The following PARL variants were observed in gnomAD, a reference collection of about 807,000 sequenced individuals.
The protein encoded by PARL is presenilin associated rhomboid like.
PARL carries 44 observed loss-of-function variants against 51.6 expected under a neutral mutation model. The observed-to-expected ratio is 0.85, with a 90% CI of 0.67 to 1.10. PARL has a LOEUF of 1.10. Among genes scored for constraint, PARL ranks in the 50% least tolerant of loss-of-function variants. The pLI, the probability that PARL is intolerant of heterozygous loss-of-function variation, is 0.00. For synonymous variants in PARL, 172 were observed against 164.0 expected, an observed-to-expected ratio of 1.05 and a Z score of -0.37; for missense variants, 441 against 469.5, an observed-to-expected ratio of 0.94 and a Z score of 0.56.
intron 4 of PARL, among the ~76,000 whole-genome samples, chr3:183,854,729 T>C (rs1182634100): frequency 1.4e-5 from 2 of 147,370 alleles, no homozygotes; most frequent in Non-Finnish European, 3.0e-5. Flanking sequence ...GTATATTTCA[T>C]GTTTTTTTTT....
chr3:183,848,718 C>T (rs6805106), intron 4 of PARL, among the ~76,000 whole-genome samples: 4,705 of 152,244 alleles, frequency 0.031, 105 homozygotes, highest in Non-Finnish European at 0.048. Context: ...AAGTATAAAA[C>T]TTTTCACAGA....
intron 4 of PARL, among the ~76,000 whole-genome samples, chr3:183,848,023 T>C (rs1348521315): frequency 2.0e-5 from 3 of 152,190 alleles, no homozygotes; most frequent in Non-Finnish European, 2.9e-5. Flanking sequence ...CCCTCACACC[T>C]GTGTAACGCA....
intron 1 of PARL, among the ~76,000 whole-genome samples, chr3:183,878,889 G>T (rs1318658787): frequency 1.3e-5 from 2 of 152,070 alleles, no homozygotes; most frequent in African/African-American, 4.8e-5. Flanking sequence ...AAGAATATGC[G>T]ACAAAGACCA....
rs187799940 is a variant in PARL at position 183,829,531 on chromosome 3, T to C, written c.*67A>G. 3.2e-5 allele frequency: 52 copies of C among 1,613,878 alleles called. No individual in the cohort carries two copies. The African/African-American group carries it at 5.9e-4, about 18-fold the overall frequency. ...GACGGGAGCATAGCCATGGTCACTC[T>C]AGCCGATGTCTCCTGGGGCTCTCAG... On this transcript the variant is annotated 3_prime_UTR_variant, in exon 10 of 10. Coordinates refer to ENST00000317096, the MANE Select transcript of PARL (RefSeq NM_018622.7).
intron 1 of PARL, among the ~76,000 whole-genome samples, chr3:183,871,570 A>G (rs1733221141): frequency 6.6e-6 from 1 of 151,784 alleles, no homozygotes; most frequent in Non-Finnish European, 1.5e-5. Context: ...CTAATCATAC[A>G]TCATGGATAA....
intron 4 of PARL, among the ~76,000 whole-genome samples, chr3:183,845,981 G>A (rs777087119): frequency 3.0e-4 from 46 of 152,048 alleles, no homozygotes; most frequent in Non-Finnish European, 5.4e-4. Flanking sequence ...TGTGGTTCAA[G>A]GCAAAGAGAG....
intron 4 of PARL, among the ~76,000 whole-genome samples, chr3:183,845,584 A>G (rs932314374): frequency 3.9e-5 from 6 of 152,216 alleles, no homozygotes; most frequent in African/African-American, 1.4e-4. Flanking sequence ...ACTCTTTTAA[A>G]GATGGTGAGA....
intron 4 of PARL, among the ~76,000 whole-genome samples, chr3:183,855,045 A>C (rs1196617116): frequency 6.6e-6 from 1 of 152,202 alleles, no homozygotes; most frequent in African/African-American, 2.4e-5. Context: ...AGAAACAGAC[A>C]CAAAAGGCCA....
intron 4 of PARL, among the ~76,000 whole-genome samples, chr3:183,856,058 C>A (rs1731142191): frequency 6.6e-6 from 1 of 151,944 alleles, no homozygotes; most frequent in South Asian, 2.1e-4. Flanking sequence ...GGTTCTGGTA[C>A]CAGTCCCTGC....
At chr3:183,841,423 CT>C (rs1268180677) in intron 6 of PARL, among the ~76,000 whole-genome samples, 1 of 152,118 alleles carries the variant, frequency 6.6e-6, no homozygotes, top group African/African-American at 2.4e-5. Context: ...GTGGTAGATG[CT>C]TTTATGTAGT....
chr3:183,876,185 C>G (rs1292620978), intron 1 of PARL, among the ~76,000 whole-genome samples: 2 of 152,074 alleles, frequency 1.3e-5, no homozygotes, highest in African/African-American at 2.4e-5. Flanking sequence ...CAGCTGGGAT[C>G]ACAGGCGCCT....
At chr3:183,839,998 G>C (rs1418261671) in intron 7 of PARL, among the ~76,000 whole-genome samples, 1 of 152,166 alleles carries the variant, frequency 6.6e-6, no homozygotes, top group Non-Finnish European at 1.5e-5. Flanking sequence ...CCAAAGTGCT[G>C]GGATTACAGG....
chr3:183,884,593 AG>A, intron 1 of PARL, 128 bp downstream of exon 1: 1 of 866,032 alleles, frequency 1.2e-6, no homozygotes, highest in Non-Finnish European at 1.8e-6. Flanking sequence ...AGGAGAGAGA[AG>A]GGGCAGGTAA....
At chr3:183,841,987 A>G (rs1202481066) in intron 6 of PARL, among the ~76,000 whole-genome samples, 1 of 152,184 alleles carries the variant, frequency 6.6e-6, no homozygotes, top group Admixed American at 6.5e-5. Context: ...AACTAATGAA[A>G]TCAAGGCCCG....
chr3:183,847,928 A>C (rs1428018153), intron 4 of PARL, among the ~76,000 whole-genome samples: 1 of 152,176 alleles, frequency 6.6e-6, no homozygotes, highest in Non-Finnish European at 1.5e-5. Context: ...CTTAGGAGGG[A>C]TGTCACCTGC....
chr3:183,859,494 C>T (rs985221865), intron 4 of PARL, among the ~76,000 whole-genome samples: 2 of 151,972 alleles, frequency 1.3e-5, no homozygotes, highest in African/African-American at 2.4e-5. Context: ...TGCACCACCA[C>T]GTCCAGCTAA....
chr3:183,834,886 C>CAAAAAAA (rs60078452), intron 7 of PARL, among the ~76,000 whole-genome samples: 162 of 108,618 alleles, frequency 1.5e-3, no homozygotes, highest in African/African-American at 5.9e-3. Flanking sequence ...ACTAAAAATA[C>CAAAAAAA]AAAAAAAAAA....
chr3:183,852,627 C>A (rs780001784), intron 4 of PARL, among the ~76,000 whole-genome samples: 14 of 152,220 alleles, frequency 9.2e-5, no homozygotes, highest in Non-Finnish European at 2.1e-4. Flanking sequence ...AATCCTCCCA[C>A]CTCCGCCTCC....
At chr3:183,865,540 A>G (rs773927481) in intron 3 of PARL, among the ~76,000 whole-genome samples, 1 of 152,144 alleles carries the variant, frequency 6.6e-6, no homozygotes, top group Non-Finnish European at 1.5e-5. Context: ...AGATTCTCAC[A>G]TGAATGCAAA....
Sources: gnomAD v4.1 joint callset for allele counts (sites outside exome capture counted in the v4.1 genomes callset) on GRCh38, gnomAD v4.1.1 for gene constraint, MANE v1.5 for transcripts, NCBI Gene and HGNC (gene_info 2026-07-23, HGNC 2026-07-21) for gene names.